ERC1: variants seen among roughly 807,000 people sequenced by gnomAD.
ERC1 encodes the protein ELKS/RAB6-interacting/CAST family member 1.
ERC1 carries 56 observed loss-of-function variants against 132.0 expected under a neutral mutation model. That is an observed-to-expected ratio of 0.42 (90% CI 0.34 to 0.53). The LOEUF is 0.53. Ranked by LOEUF, ERC1 falls within the 20% of genes least tolerant of loss-of-function variation. ERC1 has a pLI of 0.03. For missense variants in ERC1, 1,202 were observed against 1,349.9 expected (o/e 0.89, Z 1.72); for synonymous variants, 478 against 476.1 (o/e 1.00, Z -0.05).
intron 12 of ERC1, among the ~76,000 whole-genome samples, chr12:1,235,915 T>C (rs1335174397): frequency 3.9e-5 from 6 of 152,174 alleles, no homozygotes; most frequent in Non-Finnish European, 8.8e-5. Context: ...AATTGTCATC[T>C]TCTGGGGAGT....
At chr12:1,255,313 T>C (rs962372814) in intron 13 of ERC1, among the ~76,000 whole-genome samples, 2 of 152,214 alleles carry the variant, frequency 1.3e-5, no homozygotes, top group African/African-American at 4.8e-5. Context: ...CCATGGTATA[T>C]ATGTGCCACA....
At chr12:1,487,994 T>C (rs1038264726) in intron 18 of ERC1, among the ~76,000 whole-genome samples, 2 of 151,580 alleles carry the variant, frequency 1.3e-5, no homozygotes, top group Non-Finnish European at 2.9e-5. Flanking sequence ...AAAAATTAGC[T>C]GGGCGTGGTA....
intron 15 of ERC1, among the ~76,000 whole-genome samples, chr12:1,341,096 T>C (rs1327672404): frequency 5.8e-5 from 5 of 85,494 alleles, no homozygotes; most frequent in African/African-American, 1.9e-4. Context: ...TTTTTTTTTT[T>C]TTTTTTTTTT....
At chr12:1,431,464 A>T (rs1279193786) in intron 17 of ERC1, among the ~76,000 whole-genome samples, 1 of 152,218 alleles carries the variant, frequency 6.6e-6, no homozygotes, top group African/African-American at 2.4e-5. Flanking sequence ...AAGTTAACTT[A>T]GTATCTTGAT....
chr12:1,287,443 G>T (rs1566489746), intron 14 of ERC1, among the ~76,000 whole-genome samples: 1 of 152,210 alleles, frequency 6.6e-6, no homozygotes, highest in Non-Finnish European at 1.5e-5. Flanking sequence ...GTTTCTGTGA[G>T]GGTATTTGGG....
intron 17 of ERC1, among the ~76,000 whole-genome samples, chr12:1,439,006 A>G (rs1342439530): frequency 6.6e-6 from 1 of 151,594 alleles, no homozygotes; most frequent in Admixed American, 6.6e-5. Context: ...AAAGATTAGT[A>G]CCCCATGAGA....
chr12:1,253,591 G>C (rs1379015441), intron 13 of ERC1, among the ~76,000 whole-genome samples: 2 of 152,104 alleles, frequency 1.3e-5, no homozygotes, highest in Non-Finnish European at 2.9e-5. Flanking sequence ...CAGGAGAATT[G>C]CTTGAACCCA....
intron 4 of ERC1, among the ~76,000 whole-genome samples, chr12:1,105,646 C>T (rs190804670): frequency 7.1e-4 from 108 of 152,228 alleles, no homozygotes; most frequent in African/African-American, 1.9e-3. Flanking sequence ...TGTGAGCCAC[C>T]GCACCTGGCC....
intron 1 of ERC1, among the ~76,000 whole-genome samples, chr12:1,019,015 C>A (rs1317066889): frequency 1.3e-5 from 2 of 152,062 alleles, no homozygotes; most frequent in Non-Finnish European, 2.9e-5. Context: ...TTGCATAGAC[C>A]TGATTATGGT....
chr12:1,347,678 C>G (rs1737085469), intron 15 of ERC1, among the ~76,000 whole-genome samples: 1 of 152,124 alleles, frequency 6.6e-6, no homozygotes, highest in South Asian at 2.1e-4. Context: ...GTTAAGAATT[C>G]AAGGCTTACA....
chr12:1,255,737 A>C (rs1160163273), intron 13 of ERC1, among the ~76,000 whole-genome samples: 1 of 141,828 alleles, frequency 7.1e-6, no homozygotes, highest in Non-Finnish European at 1.5e-5. Flanking sequence ...GGTTCACGCC[A>C]TTCTCCTGCC....
intron 2 of ERC1, among the ~76,000 whole-genome samples, chr12:1,063,661 C>T (rs1938504074): frequency 6.6e-6 from 1 of 152,032 alleles, no homozygotes; most frequent in Non-Finnish European, 1.5e-5. Context: ...ACTCATTCAG[C>T]CTATATCTTT....
chr12:1,007,540 C>CTCTCTCTCTCTCTCTCTCTGTGTG lies in ERC1; in HGVS notation c.-157+16219_-157+16220insCTCTCTCTCTCTCTCTCTGTGTGT, dbSNP rs1555194875. 2.2e-3 allele frequency among the ~76,000 whole-genome samples: 264 copies of CTCTCTCTCTCTCTCTCTCTGTGTG among 122,720 alleles called. 4 individuals are homozygous for CTCTCTCTCTCTCTCTCTCTGTGTG. Among genetic ancestry groups the CTCTCTCTCTCTCTCTCTCTGTGTG allele is most frequent in the African/African-American group, 9.2e-3 (243 of 26,452 alleles). The allele number at this position is 122,720 out of a possible 152,430, so 80.5% of individuals were successfully genotyped here. The stretch of plus-strand genomic sequence containing the variant: ...ATTCTCTCTCTCTCTCTCTCTCTCT[C>CTCTCTCTCTCTCTCTCTCTGTGTG]TGTGTGTGTGTGTGTGTGTGTGTGT... On this transcript the variant is annotated intron_variant, in intron 1 of 18. Transcript: ENST00000360905.
chr12:1,342,752 A>G (rs2084045122), intron 15 of ERC1, among the ~76,000 whole-genome samples: 1 of 152,198 alleles, frequency 6.6e-6, no homozygotes, highest in African/African-American at 2.4e-5. Flanking sequence ...GAGGAACTAT[A>G]AGAAATTTAG....
intron 13 of ERC1, among the ~76,000 whole-genome samples, chr12:1,254,848 A>G (rs2076688854): frequency 6.6e-6 from 1 of 152,150 alleles, no homozygotes; most frequent in Non-Finnish European, 1.5e-5. Context: ...GTTTGAATAC[A>G]TGTATACATT....
At chr12:1,250,337 A>T (rs983845056) in intron 13 of ERC1, among the ~76,000 whole-genome samples, 5 of 152,148 alleles carry the variant, frequency 3.3e-5, no homozygotes, top group African/African-American at 1.2e-4. Context: ...ATTGTTCCTT[A>T]GCCTGAATGT....
At chr12:1,131,332 T>C (rs377760425) in intron 7 of ERC1, among the ~76,000 whole-genome samples, 2 of 152,216 alleles carry the variant, frequency 1.3e-5, no homozygotes, top group African/African-American at 2.4e-5. Flanking sequence ...AAGTGTCATG[T>C]TGGCAAAGCC....
chr12:1,427,516 CT>C (rs1172988718), intron 17 of ERC1, among the ~76,000 whole-genome samples: 1 of 152,004 alleles, frequency 6.6e-6, no homozygotes, highest in Admixed American at 6.6e-5. Context: ...TTCGTATTTT[CT>C]TTTTTTTAAT....
chr12:1,349,660 TAAAA>T lies in ERC1; in HGVS notation c.2781-22156_2781-22153del, dbSNP rs57752848. On this transcript the variant is annotated intron_variant, in intron 15 of 18. Transcript: ENST00000360905. The stretch of plus-strand genomic sequence containing the variant: ...ACCTGGACGACAGAGTGAGACCGTC[TAAAA>T]AAAAAAAAAAAAAAAAGTTATTTTT... Among the ~76,000 whole-genome samples, 9 of 107,612 alleles carry T rather than the reference TAAAA, an allele frequency of 8.4e-5. 1 individual carries two copies. Among genetic ancestry groups the T allele is most frequent in the East Asian group, 5.2e-4 (2 of 3,818 alleles). The allele number at this position is 107,612 out of a possible 152,430, so 70.6% of individuals were successfully genotyped here.
Sources: gnomAD v4.1 joint callset for allele counts (sites outside exome capture counted in the v4.1 genomes callset) on GRCh38, gnomAD v4.1.1 for gene constraint, MANE v1.5 for transcripts, NCBI Gene and HGNC (gene_info 2026-07-23, HGNC 2026-07-21) for gene names.